The following KCNAB1 variants were observed in gnomAD, a reference collection of about 807,000 sequenced individuals.
KCNAB1 encodes the protein potassium voltage-gated channel subfamily A regulatory beta subunit 1.
KCNAB1 carries 35 observed loss-of-function variants against 64.6 expected under a neutral mutation model. That is an observed-to-expected ratio of 0.54 (90% confidence interval 0.41 to 0.72). KCNAB1 has a LOEUF of 0.72. KCNAB1 is among the 30% of genes least tolerant of loss of function. The pLI is 0.00. For missense variants in KCNAB1, 401 were observed against 512.9 expected, an observed-to-expected ratio of 0.78 and a Z score of 2.11; for synonymous variants, 177 against 183.8, an observed-to-expected ratio of 0.96 and a Z score of 0.30.
intron 11 of KCNAB1, among the ~76,000 whole-genome samples, chr3:156,520,544 C>T (rs1001823280): frequency 2.6e-5 from 4 of 152,158 alleles, no homozygotes; most frequent in Non-Finnish European, 4.4e-5. Context: ...TGCCACTTCC[C>T]TCCAGCCTGA....
intron 1 of KCNAB1, among the ~76,000 whole-genome samples, chr3:156,384,537 C>G (rs1020386829): frequency 2.6e-5 from 4 of 152,138 alleles, no homozygotes; most frequent in Admixed American, 2.0e-4. Context: ...CAAAAAAAGT[C>G]TATTTCTAGG....
At chr3:156,428,577 T>C (rs1272104871) in intron 2 of KCNAB1, among the ~76,000 whole-genome samples, 2 of 151,118 alleles carry the variant, frequency 1.3e-5, no homozygotes, top group Non-Finnish European at 2.9e-5. Context: ...GGAGAGATTT[T>C]GTTGATTTTT....
chr3:156,531,250 G>A (rs1383186360), intron 12 of KCNAB1, among the ~76,000 whole-genome samples, 159 bp from the exon 13 acceptor site: 1 of 152,096 alleles, frequency 6.6e-6, no homozygotes, highest in African/African-American at 2.4e-5. Context: ...ACACAACAGG[G>A]GGTGCTGCTC....
intron 1 of KCNAB1, among the ~76,000 whole-genome samples, chr3:156,331,872 G>A (rs986780519): frequency 2.0e-5 from 3 of 152,114 alleles, no homozygotes; most frequent in Non-Finnish European, 2.9e-5. Flanking sequence ...ACAGTCTTGT[G>A]TTCTGAAACC....
chr3:156,258,971 G>A (rs559969472), intron 1 of KCNAB1, among the ~76,000 whole-genome samples: 6 of 152,330 alleles, frequency 3.9e-5, no homozygotes, highest in African/African-American at 9.6e-5. Context: ...GAAATGGAAC[G>A]ATTCGGCTTC....
At chr3:156,460,995 C>T (rs1483814493) in intron 5 of KCNAB1, among the ~76,000 whole-genome samples, 3 of 152,160 alleles carry the variant, frequency 2.0e-5, no homozygotes, top group Non-Finnish European at 2.9e-5. Context: ...TCTCCTTCTC[C>T]CTTCTCCCTC....
rs142002902 is a variant in KCNAB1 at position 156,309,524 on chromosome 3, G to T, written c.276-112092G>T. Among the ~76,000 whole-genome samples, 1,146 of 152,332 alleles carry T rather than the reference G, an allele frequency of 7.5e-3. 6 individuals are homozygous for T. Among genetic ancestry groups the T allele is most frequent in the Non-Finnish European group, 0.013 (889 of 68,020 alleles). On this transcript the variant is annotated intron_variant, in intron 1 of 13. Transcript: ENST00000490337. Reference sequence around the variant, plus strand: ...GATAGGGTTTCTGCATAAAGCAAAAGAAATATTGAATGCTACTCCTTTCAG... The same window carrying T: ...GATAGGGTTTCTGCATAAAGCAAAATAAATATTGAATGCTACTCCTTTCAG...
chr3:156,330,144 A>G (rs1161293854), intron 1 of KCNAB1, among the ~76,000 whole-genome samples: 2 of 152,178 alleles, frequency 1.3e-5, no homozygotes, highest in East Asian at 1.9e-4. Flanking sequence ...CTTTTATAAT[A>G]AAGTGGGGAG....
intron 1 of KCNAB1, among the ~76,000 whole-genome samples, chr3:156,206,685 A>G (rs1499053): frequency 0.13 from 20,031 of 152,244 alleles, 1,451 homozygotes; most frequent in Non-Finnish European, 0.15. Context: ...ATTTCAACAT[A>G]TAACAGCCAC....
At chr3:156,334,890 T>C (rs1396431398) in intron 1 of KCNAB1, among the ~76,000 whole-genome samples, 2 of 152,174 alleles carry the variant, frequency 1.3e-5, no homozygotes, top group Non-Finnish European at 2.9e-5. Context: ...AAATTACACC[T>C]GAATTTCCCC....
intron 1 of KCNAB1, among the ~76,000 whole-genome samples, chr3:156,267,358 C>T (rs910614942): frequency 2.0e-5 from 3 of 152,128 alleles, no homozygotes; most frequent in African/African-American, 7.2e-5. Context: ...GAGTCTTTTA[C>T]ACTCCCTGGC....
chr3:156,141,188 T>C (rs1276287750), intron 1 of KCNAB1, among the ~76,000 whole-genome samples: 4 of 152,158 alleles, frequency 2.6e-5, no homozygotes, highest in Non-Finnish European at 5.9e-5. Flanking sequence ...CTTGCCACAG[T>C]TCAATAGCAC....
At chr3:156,142,090 A>G (rs957203680) in intron 1 of KCNAB1, among the ~76,000 whole-genome samples, 10 of 152,088 alleles carry the variant, frequency 6.6e-5, no homozygotes, top group African/African-American at 2.4e-4. Flanking sequence ...CCGTTTACCA[A>G]TTAGATTGTT....
chr3:156,437,290 AT>A (rs139243476), intron 2 of KCNAB1, among the ~76,000 whole-genome samples: 3,945 of 152,282 alleles, frequency 0.026, 188 homozygotes, highest in African/African-American at 0.091. Context: ...GAAATCGAAA[AT>A]CTAATTGTAT....
intron 8 of KCNAB1, among the ~76,000 whole-genome samples, chr3:156,492,477 AC>A (rs1435639529): frequency 6.6e-6 from 1 of 151,990 alleles, no homozygotes; most frequent in African/African-American, 2.4e-5. Flanking sequence ...CCATATGGAG[AC>A]ACCATATATA....
At chr3:156,295,680 A>T (rs976501164) in intron 1 of KCNAB1, among the ~76,000 whole-genome samples, 1 of 152,232 alleles carries the variant, frequency 6.6e-6, no homozygotes, top group Non-Finnish European at 1.5e-5. Flanking sequence ...ACTATCCTGT[A>T]TGTAAATAAC....
At chr3:156,315,659 A>G (rs1224699916) in intron 1 of KCNAB1, among the ~76,000 whole-genome samples, 2 of 152,216 alleles carry the variant, frequency 1.3e-5, no homozygotes, top group Non-Finnish European at 2.9e-5. Flanking sequence ...TATAGCATAA[A>G]TGAACCCATT....
At chr3:156,177,811 G>C (rs992585974) in intron 1 of KCNAB1, among the ~76,000 whole-genome samples, 1 of 152,038 alleles carries the variant, frequency 6.6e-6, no homozygotes, top group Non-Finnish European at 1.5e-5. Flanking sequence ...CATGATCTTG[G>C]CTCACTGCCA....
intron 1 of KCNAB1, among the ~76,000 whole-genome samples, chr3:156,169,996 T>C (rs576225115): frequency 1.3e-5 from 2 of 152,298 alleles, no homozygotes; most frequent in East Asian, 3.9e-4. Flanking sequence ...AAGAGGCCCT[T>C]TTTCCCTCTA....
Sources: allele counts gnomAD v4.1 joint callset (sites outside exome capture counted in the v4.1 genomes callset), GRCh38; gene constraint gnomAD v4.1.1; transcripts MANE v1.5; gene names NCBI Gene and HGNC (gene_info 2026-07-23, HGNC 2026-07-21).